Variants in PCNT observed in about 807,000 individuals in gnomAD.
The protein encoded by PCNT is pericentrin, also known as kendrin.
Under a neutral mutation model 380.4 loss-of-function variants are expected in PCNT, and 319 were observed. The ratio of observed to expected loss-of-function variants is 0.84; its 90% CI spans 0.77 to 0.92. The LOEUF (loss-of-function observed/expected upper bound fraction) is 0.92, where lower values mean the gene tolerates loss of function less well. PCNT is among the 40% of genes least tolerant of loss of function. PCNT has a pLI of 0.00. For synonymous variants in PCNT, 1,845 were observed against 1,735.2 expected (o/e 1.06, Z -1.57); for missense variants, 4,400 against 4,255.3 (o/e 1.03, Z -0.95).
intron 15 of PCNT, among the ~76,000 whole-genome samples, chr21:46,372,695 A>G (rs1165283483): frequency 6.6e-6 from 1 of 152,184 alleles, no homozygotes; most frequent in Non-Finnish European, 1.5e-5. Context: ...TGCTTGGTGA[A>G]GAGGGACTGC....
chr21:46,406,003 G>A (rs542645672), intron 27 of PCNT, among the ~76,000 whole-genome samples: 13 of 152,192 alleles, frequency 8.5e-5, no homozygotes, highest in African/African-American at 3.1e-4. Flanking sequence ...ATATAATAAA[G>A]AAAAGTAAAA....
intron 1 of PCNT, 129 bp downstream of exon 1, chr21:46,324,411 T>A (rs1320838184): frequency 1.2e-6 from 1 of 810,840 alleles, no homozygotes; most frequent in Non-Finnish European, 2.1e-6. Flanking sequence ...TCTCGCTTTT[T>A]CCCGCCGGCT....
chr21:46,426,095 T>TTTC, intron 33 of PCNT, 124 bp downstream of exon 33: 1 of 934,134 alleles, frequency 1.1e-6, no homozygotes, highest in Non-Finnish European at 1.5e-6. Flanking sequence ...TTTTTTTTTT[T>TTTC]TGAGACTCGG....
intron 12 of PCNT, among the ~76,000 whole-genome samples, chr21:46,356,115 C>T (rs980323190): frequency 3.3e-5 from 5 of 152,208 alleles, no homozygotes; most frequent in Admixed American, 6.5e-5. Context: ...ATCCCAGAGT[C>T]GCGGTCCCAT....
At position 46,385,981 on chromosome 21, in the gene PCNT, A is replaced by G. The variant is rs1207004722; in HGVS notation, c.3462A>G (p.Glu1154=). The G allele has an allele frequency of 6.2e-7, 1 of 1,614,064 alleles. No homozygotes were observed. Among genetic ancestry groups the G allele is most frequent in the South Asian group, 1.1e-5 (1 of 91,084 alleles). The change falls in exon 17 of 47, where the codon GAA becomes GAG. Residue 1154 remains glutamate (E), a splice_region_variant and synonymous_variant. Coordinates refer to ENST00000359568, the MANE Select transcript of PCNT (RefSeq NM_006031.6). ...CCGACGTCAACCTGTCCCACAGCGA[A>G]AGGTCAGTGTGTCCTCGGCACCGAG... The part of the protein sequence containing the change: ...LKADVNLSHS[E]RGALQDALRR...
chr21:46,374,355 T>C (rs2085262685), intron 15 of PCNT, among the ~76,000 whole-genome samples: 1 of 152,136 alleles, frequency 6.6e-6, no homozygotes, highest in Admixed American at 6.5e-5. Flanking sequence ...CTGCATTTCA[T>C]CACAAGCCCA....
intron 21 of PCNT, among the ~76,000 whole-genome samples, chr21:46,393,015 C>T (rs897746901): frequency 2.2e-4 from 33 of 152,274 alleles, no homozygotes; most frequent in African/African-American, 7.5e-4. Flanking sequence ...TTTTATTTGC[C>T]GCACCTCCTG....
intron 32 of PCNT, among the ~76,000 whole-genome samples, chr21:46,422,576 T>C (rs565950771): frequency 3.7e-4 from 56 of 152,242 alleles, no homozygotes; most frequent in Non-Finnish European, 5.6e-4. Context: ...TGTGGAACTT[T>C]TCATAGGTTT....
At chr21:46,372,318 G>A (rs553146494) in intron 15 of PCNT, among the ~76,000 whole-genome samples, 21 of 151,644 alleles carry the variant, frequency 1.4e-4, no homozygotes, top group East Asian at 3.9e-4. Context: ...CACACAGCAC[G>A]CACACACAAC....
intron 12 of PCNT, among the ~76,000 whole-genome samples, chr21:46,356,592 G>T (rs965690322): frequency 6.6e-5 from 10 of 152,254 alleles, no homozygotes; most frequent in African/African-American, 2.4e-4. Flanking sequence ...TGTCCTTGTG[G>T]CTGCCTCATA....
chr21:46,441,134 T>TG, intron 43 of PCNT, 50 bp downstream of exon 43: 1 of 1,127,750 alleles, frequency 8.9e-7, no homozygotes, highest in Non-Finnish European at 1.4e-6. Flanking sequence ...TCTCCGTGAG[T>TG]GGGCAGCACA....
rs143289533 is a variant in PCNT at position 46,438,311 on chromosome 21, C to T, written c.9247C>T (p.His3083Tyr). ...TAAGCTTGAGAAGTTGCTGAAGCAC[C>T]ATCTGCAGAAGGGCTGCAGCCCAAG... is the stretch of plus-strand genomic sequence containing the variant. ...VSKLEKLLKH[H>Y]LQKGCSPSRS... The change falls in exon 41 of 47, where the codon CAT (histidine) becomes TAT (tyrosine). Residue 3083 changes from histidine (H) to tyrosine (Y), a missense_variant. Physicochemically the swap from His to Tyr is moderately conservative, Grantham distance 83. Coordinates refer to ENST00000359568, the MANE Select transcript of PCNT (RefSeq NM_006031.6). 2.9e-4 allele frequency: 473 copies of T among 1,614,106 alleles called. 2 individuals are homozygous for T. In the African/African-American group the frequency reaches 5.6e-3, roughly 19 times the overall value.
At chr21:46,364,803 C>G (rs1200160294) in intron 14 of PCNT, among the ~76,000 whole-genome samples, 1 of 152,146 alleles carries the variant, frequency 6.6e-6, no homozygotes, top group Non-Finnish European at 1.5e-5. Context: ...GAGAAACTCA[C>G]GTTCAGGTCG....
chr21:46,402,477 C>T lies in PCNT; in HGVS notation c.5109C>T (p.Ser1703=). ...SLRELEEENT[S]LKVIYTRSSE... ...GAGAACTTGAGGAAGAGAACACGAGCTTGAAGGTAAGCTACCAAAGGTCCA... is the reference window on the plus strand; with the variant it reads ...GAGAACTTGAGGAAGAGAACACGAGTTTGAAGGTAAGCTACCAAAGGTCCA... The change falls in exon 27 of 47, where the codon AGC becomes AGT. Residue 1703 remains serine (S), a synonymous_variant. Transcript: ENST00000359568. 1 of 1,614,050 alleles carries T rather than the reference C, an allele frequency of 6.2e-7. No homozygotes were observed. The highest frequency in any genetic ancestry group is 1.1e-5 in the South Asian group (1 of 91,078).
rs576217371 is a variant in PCNT at position 46,427,657 on chromosome 21, C to A, written c.7356C>A (p.Asp2452Glu). 2 of 1,613,976 alleles carry A rather than the reference C, an allele frequency of 1.2e-6. No individual in the cohort carries two copies. Among genetic ancestry groups the A allele is most frequent in the East Asian group, 2.2e-5 (1 of 44,882 alleles). ...VPTACPDWRG[D>E]LLQVVQEAFE... ...CCGCGTGCCCCGATTGGAGAGGGGACCTTCTGCAGGTTGTGCAAGAGGCCT... is the reference window on the plus strand; with the variant it reads ...CCGCGTGCCCCGATTGGAGAGGGGAACTTCTGCAGGTTGTGCAAGAGGCCT... The change falls in exon 34 of 47, where the codon GAC (aspartate) becomes GAA (glutamate). Residue 2452 changes from aspartate (D) to glutamate (E), a missense_variant. Asp to Glu is a conservative substitution (Grantham distance 45). Transcript: ENST00000359568.
At chr21:46,356,666 T>C (rs2084490365) in intron 12 of PCNT, among the ~76,000 whole-genome samples, 1 of 152,204 alleles carries the variant, frequency 6.6e-6, no homozygotes, top group Non-Finnish European at 1.5e-5. Context: ...CAGGAACTCA[T>C]GGAGGGTCAC....
At chr21:46,379,219 C>G (rs1322484716) in intron 15 of PCNT, among the ~76,000 whole-genome samples, 2 of 152,176 alleles carry the variant, frequency 1.3e-5, no homozygotes, top group African/African-American at 2.4e-5. Context: ...CCGCTGCCTC[C>G]CCTGTCATCC....
At chr21:46,389,001 T>C in intron 18 of PCNT, 117 bp downstream of exon 18, 1 of 1,460,414 alleles carries the variant, frequency 6.8e-7, no homozygotes, top group African/African-American at 1.4e-5. Context: ...GCCGTCCTGG[T>C]TTCCTGCTAG....
chr21:46,381,440 T>G (rs2085536323), intron 15 of PCNT, among the ~76,000 whole-genome samples: 1 of 152,132 alleles, frequency 6.6e-6, no homozygotes, highest in African/African-American at 2.4e-5. Flanking sequence ...AGCAGTTGCT[T>G]ATGACACGCA....
Sources: allele counts gnomAD v4.1 joint callset (sites outside exome capture counted in the v4.1 genomes callset), GRCh38; gene constraint gnomAD v4.1.1; transcripts MANE v1.5; gene names NCBI Gene and HGNC (gene_info 2026-07-23, HGNC 2026-07-21).